DMD: variants seen among roughly 807,000 people sequenced by gnomAD.
DMD encodes the protein dystrophin, also known as mutant dystrophin.
DMD carries 63 observed loss-of-function variants against 330.1 expected under a neutral mutation model. The ratio of observed to expected loss-of-function variants is 0.19; its 90% CI spans 0.16 to 0.24. DMD has a LOEUF of 0.24. Ranked by LOEUF, DMD falls within the 10% of genes least tolerant of loss-of-function variation. The pLI, the probability that DMD is intolerant of heterozygous loss-of-function variation, is 1.00. For missense variants in DMD, 3,344 were observed against 2,684.1 expected (o/e 1.25, Z -5.43); for synonymous variants, 1,223 against 959.8 (o/e 1.27, Z -5.07).
chrX:32,797,607 T>C (rs889983788), intron 7 of DMD, among the ~76,000 whole-genome samples: 1 of 112,072 alleles, frequency 8.9e-6, no homozygotes, highest in South Asian at 3.7e-4. Flanking sequence ...AATAGATGTT[T>C]TTAATATATT....
intron 1 of DMD, among the ~76,000 whole-genome samples, chrX:33,198,764 C>T (rs1024946369): frequency 9.0e-6 from 1 of 110,527 alleles, no homozygotes; most frequent in African/African-American, 3.3e-5. Flanking sequence ...CACGTACATA[C>T]ATATGGAATC....
chrX:31,487,434 C>CT (rs900465783), intron 57 of DMD, among the ~76,000 whole-genome samples: 1 of 110,325 alleles, frequency 9.1e-6, no homozygotes, highest in Non-Finnish European at 1.9e-5. Context: ...CTAATTTTTT[C>CT]TTTTTTTGTA....
At chrX:32,938,787 A>T (rs2090191305) in intron 2 of DMD, among the ~76,000 whole-genome samples, 1 of 111,610 alleles carries the variant, frequency 9.0e-6, no homozygotes, top group Non-Finnish European at 1.9e-5. Context: ...CAGTTCATAG[A>T]TCAAGTAATA....
At chrX:32,781,960 A>G (rs192606078) in intron 7 of DMD, among the ~76,000 whole-genome samples, 70 of 111,675 alleles carry the variant, frequency 6.3e-4, no homozygotes, top group African/African-American at 2.1e-3. Flanking sequence ...CTCAGTTGAT[A>G]TCTTAATACA....
intron 7 of DMD, among the ~76,000 whole-genome samples, chrX:32,752,664 G>A (rs2070981086): frequency 9.3e-6 from 1 of 107,839 alleles, no homozygotes; most frequent in African/African-American, 3.4e-5. Flanking sequence ...GATTTGGGAG[G>A]GGCCGGGGGT....
Position 32,345,467 on chromosome X carries a change from T to A in DMD, c.5586+476A>T, listed in dbSNP as rs987557111. 4.5e-5 allele frequency among the ~76,000 whole-genome samples: 5 copies of A among 111,188 alleles called. No homozygotes were observed. The Admixed American group carries it at 4.8e-4, about 11-fold the overall frequency. ...TAGATAGTTGCAAAGAGTGACTTTC[T>A]TAAAGGCATAATAAAGTTTTAAAAA... is the stretch of plus-strand genomic sequence containing the variant. On this transcript the variant is annotated intron_variant, in intron 39 of 78. Coordinates refer to ENST00000357033, the MANE Select transcript of DMD (RefSeq NM_004006.3).
chrX:32,790,472 G>T (rs1248211964), intron 7 of DMD, among the ~76,000 whole-genome samples: 2 of 111,678 alleles, frequency 1.8e-5, no homozygotes, highest in African/African-American at 6.5e-5. Context: ...CCCATGCTGG[G>T]TTCCACAAAC....
chrX:33,149,047 G>A (rs1475496537), intron 1 of DMD, among the ~76,000 whole-genome samples: 1 of 110,427 alleles, frequency 9.1e-6, no homozygotes, highest in Admixed American at 9.8e-5. Flanking sequence ...GGGGTTAGTG[G>A]GGGGGAGGTG....
intron 54 of DMD, among the ~76,000 whole-genome samples, chrX:31,629,369 A>G (rs886133837): frequency 3.6e-5 from 4 of 111,566 alleles, no homozygotes; most frequent in African/African-American, 1.3e-4. Flanking sequence ...CTGAGCACAC[A>G]GTCTTCCACA....
intron 18 of DMD, among the ~76,000 whole-genome samples, chrX:32,506,347 G>T (rs2044619586): frequency 9.5e-6 from 1 of 105,084 alleles, no homozygotes; most frequent in African/African-American, 3.5e-5. Context: ...TCTAAAAATG[G>T]AGTCTATTAA....
intron 44 of DMD, among the ~76,000 whole-genome samples, chrX:32,104,143 T>C (rs1023287439): frequency 6.3e-5 from 7 of 111,574 alleles, no homozygotes; most frequent in Non-Finnish European, 1.1e-4. Flanking sequence ...CTTCTCTCCT[T>C]GGGCTACTGC....
intron 1 of DMD, among the ~76,000 whole-genome samples, chrX:33,217,416 C>T (rs1035425892): frequency 9.0e-6 from 1 of 111,515 alleles, no homozygotes; most frequent in African/African-American, 3.2e-5. Context: ...TCCATTAATA[C>T]AGTATATATC....
At chrX:32,874,723 G>C (rs981828772) in intron 2 of DMD, among the ~76,000 whole-genome samples, 2 of 111,793 alleles carry the variant, frequency 1.8e-5, no homozygotes, top group African/African-American at 6.5e-5. Context: ...TCCAAGATTA[G>C]ATCATTATTA....
chrX:32,730,323 G>T (rs2067416784), intron 7 of DMD, among the ~76,000 whole-genome samples: 1 of 112,280 alleles, frequency 8.9e-6, no homozygotes, highest in Non-Finnish European at 1.9e-5. Flanking sequence ...TCCAGCCTGG[G>T]CAAAAGAGTA....
rs201866094 is a variant in DMD, at chrX:33,235,915, TA to T, written c.7+103343del. ...CAACTTATATTATTATTATTATTAT[TA>T]TTTTTTTTTTTTTTTATGAGACGGA... On this transcript the variant is annotated intron_variant, in intron 1 of 17. Coordinates refer to the DMD transcript ENST00000288447. 3.0e-3 allele frequency among the ~76,000 whole-genome samples: 267 copies of T among 87,808 alleles called. 1 individual carries two copies. The South Asian group carries it at 0.035, about 12-fold the overall frequency. The allele number at this position is 87,808 out of a possible 115,157, so 76.3% of individuals were successfully genotyped here.
intron 52 of DMD, among the ~76,000 whole-genome samples, chrX:31,690,166 A>G (rs2083012997): frequency 8.9e-6 from 1 of 112,041 alleles, no homozygotes; most frequent in South Asian, 3.7e-4. Context: ...AGAAACTACC[A>G]TCAGAGTGAA....
At position 31,127,467 on chromosome X, in the gene DMD, A is replaced by G. The variant is rs1480280025; in HGVS notation, c.11015-794T>C. Reference sequence around the variant, plus strand: ...ATGATAAGTCATAATTGGACAGAAAAGTAGGGACTTCTGTCCATACATGTC... The same window carrying G: ...ATGATAAGTCATAATTGGACAGAAAGGTAGGGACTTCTGTCCATACATGTC... On this transcript the variant is annotated intron_variant, in intron 77 of 78. Coordinates refer to ENST00000357033, the MANE Select transcript of DMD (RefSeq NM_004006.3). Among the ~76,000 whole-genome samples, 3 of 112,688 alleles carry G rather than the reference A, an allele frequency of 2.7e-5. No homozygotes were observed. The East Asian group carries it at 8.3e-4, about 31-fold the overall frequency.
chrX:32,791,252 G>A (rs958641267), intron 7 of DMD, among the ~76,000 whole-genome samples: 1 of 111,863 alleles, frequency 8.9e-6, no homozygotes, highest in African/African-American at 3.3e-5. Context: ...CCCGCACCAT[G>A]CTTGCTGCCC....
intron 47 of DMD, among the ~76,000 whole-genome samples, chrX:31,924,629 A>G (rs978904852): frequency 2.7e-5 from 3 of 111,901 alleles, no homozygotes; most frequent in Non-Finnish European, 3.8e-5. Flanking sequence ...TATTATCAAT[A>G]TTACAAAAAT....
Sources: allele counts gnomAD v4.1 joint callset (sites outside exome capture counted in the v4.1 genomes callset), GRCh38; gene constraint gnomAD v4.1.1; transcripts MANE v1.5; gene names NCBI Gene and HGNC (gene_info 2026-07-23, HGNC 2026-07-21).